The following PTPRQ variants were observed in gnomAD, a reference collection of about 807,000 sequenced individuals.
PTPRQ encodes phosphatidylinositol phosphatase PTPRQ.
PTPRQ carries 199 observed loss-of-function variants against 246.0 expected under a neutral mutation model. That is an observed-to-expected ratio of 0.81 (90% CI 0.72 to 0.91). The LOEUF (loss-of-function observed/expected upper bound fraction) is 0.91. PTPRQ is among the 40% of genes least tolerant of loss of function. The pLI is 0.00. For missense variants in PTPRQ, 2,624 were observed against 2,528.4 expected, an observed-to-expected ratio of 1.04 and a Z score of -0.81; for synonymous variants, 869 against 853.2, an observed-to-expected ratio of 1.02 and a Z score of -0.32.
chr12:80,496,623 C>T (rs1173926416), intron 14 of PTPRQ, 92 bp downstream of exon 14: 3 of 1,370,960 alleles, frequency 2.2e-6, no homozygotes, highest in Non-Finnish European at 2.9e-6. Context: ...TTTACATAAC[C>T]TAAAATCCCT....
intron 19 of PTPRQ, among the ~76,000 whole-genome samples, chr12:80,536,296 A>T (rs1350323628): frequency 2.0e-5 from 3 of 152,220 alleles, no homozygotes; most frequent in African/African-American, 7.2e-5. Context: ...TGTGACTGAC[A>T]GCCCAAGTTT....
intron 8 of PTPRQ, among the ~76,000 whole-genome samples, chr12:80,479,250 C>T (rs1225717189): frequency 8.8e-5 from 13 of 148,428 alleles, no homozygotes; most frequent in African/African-American, 1.7e-4. Context: ...GAATTTTCAA[C>T]CCAGAATTTC....
chr12:80,647,968 A>G (rs1900131256), intron 35 of PTPRQ, among the ~76,000 whole-genome samples: 1 of 152,132 alleles, frequency 6.6e-6, no homozygotes, highest in Admixed American at 6.5e-5. Flanking sequence ...TTTTTCAACA[A>G]TTCCTGTATT....
chr12:80,521,636 T>G (rs1307344490), intron 17 of PTPRQ, among the ~76,000 whole-genome samples: 1 of 151,908 alleles, frequency 6.6e-6, no homozygotes, highest in African/African-American at 2.4e-5. Flanking sequence ...TCCCCATTGC[T>G]TTTTTTTGTC....
chr12:80,540,216 T>C (rs985962920), intron 20 of PTPRQ, among the ~76,000 whole-genome samples: 1 of 152,068 alleles, frequency 6.6e-6, no homozygotes, highest in Admixed American at 6.6e-5. Context: ...CAAAAAGTAC[T>C]GCATACATGG....
intron 25 of PTPRQ, among the ~76,000 whole-genome samples, chr12:80,568,618 T>C (rs1271082160): frequency 6.6e-6 from 1 of 152,212 alleles, no homozygotes; most frequent in Non-Finnish European, 1.5e-5. Flanking sequence ...TGAAACTCCG[T>C]TTATGTTATA....
At chr12:80,674,233 G>GT (rs1901064138) in intron 43 of PTPRQ, among the ~76,000 whole-genome samples, 1 of 152,088 alleles carries the variant, frequency 6.6e-6, no homozygotes, top group Admixed American at 6.6e-5. Context: ...TGCTGTAACT[G>GT]TATTTTCCAG....
intron 42 of PTPRQ, among the ~76,000 whole-genome samples, chr12:80,672,737 A>G (rs1484554589): frequency 6.6e-6 from 1 of 152,078 alleles, no homozygotes; most frequent in Non-Finnish European, 1.5e-5. Context: ...TTGCAACACT[A>G]TTTTTCAAAA....
chr12:80,654,374 C>G (rs1169438144), intron 38 of PTPRQ, among the ~76,000 whole-genome samples: 2 of 152,146 alleles, frequency 1.3e-5, no homozygotes, highest in Non-Finnish European at 2.9e-5. Context: ...GAGAGTTAAC[C>G]TAGGTTGGAT....
intron 1 of PTPRQ, 151 bp from the exon 2 acceptor site, chr12:80,444,590 A>T: frequency 2.8e-6 from 2 of 703,318 alleles, no homozygotes; most frequent in Non-Finnish European, 4.9e-6. Context: ...ACATATTTGT[A>T]TCTTACAATA....
At chr12:80,622,554 C>T (rs1204183569) in intron 33 of PTPRQ, among the ~76,000 whole-genome samples, 4 of 151,926 alleles carry the variant, frequency 2.6e-5, no homozygotes, top group Non-Finnish European at 5.9e-5. Context: ...GTCAGTGGTC[C>T]TGAGGATGAG....
intron 33 of PTPRQ, among the ~76,000 whole-genome samples, chr12:80,622,832 G>C (rs957300767): frequency 6.6e-6 from 1 of 151,838 alleles, no homozygotes; most frequent in Non-Finnish European, 1.5e-5. Context: ...TTGAAGTTTT[G>C]TGTAAAACAA....
intron 8 of PTPRQ, among the ~76,000 whole-genome samples, chr12:80,481,180 T>A (rs1482998418): frequency 6.6e-6 from 1 of 152,174 alleles, no homozygotes. Context: ...TCCACCATGA[T>A]CAAGTGGGCT....
At chr12:80,474,146 G>T (rs1342348112) in intron 8 of PTPRQ, among the ~76,000 whole-genome samples, 1 of 152,094 alleles carries the variant, frequency 6.6e-6, no homozygotes, top group Non-Finnish European at 1.5e-5. Flanking sequence ...GAAATAAATG[G>T]ATCTTTAAAC....
chr12:80,578,505 C>G (rs1365093867), intron 25 of PTPRQ, among the ~76,000 whole-genome samples: 1 of 151,994 alleles, frequency 6.6e-6, no homozygotes, highest in Non-Finnish European at 1.5e-5. Flanking sequence ...ATTCTCCTGC[C>G]TCAGCCTCCT....
chr12:80,672,670 A>G (rs1316884942), intron 42 of PTPRQ, among the ~76,000 whole-genome samples: 7 of 152,066 alleles, frequency 4.6e-5, no homozygotes, highest in South Asian at 2.1e-4. Flanking sequence ...TAGTTTTTCA[A>G]TTTTATTATC....
chr12:80,543,471 A>T (rs1285245502), intron 23 of PTPRQ, among the ~76,000 whole-genome samples: 3 of 152,056 alleles, frequency 2.0e-5, no homozygotes, highest in Non-Finnish European at 4.4e-5. Context: ...TATGTCTGTG[A>T]TTTCTAGCAT....
At chr12:80,451,168 A>G (rs1892755631) in intron 3 of PTPRQ, among the ~76,000 whole-genome samples, 1 of 151,818 alleles carries the variant, frequency 6.6e-6, no homozygotes, top group African/African-American at 2.4e-5. Context: ...ATTTGCATAG[A>G]GGTGTTTGTA....
chr12:80,465,124 G>T (rs1286254122), intron 6 of PTPRQ: 1 of 140,844 alleles, frequency 7.1e-6, no homozygotes, highest in Non-Finnish European at 1.5e-5. Flanking sequence ...TAATAAAGAA[G>T]AAAAGAGAGA....
Sources: gnomAD v4.1 joint callset for allele counts (sites outside exome capture counted in the v4.1 genomes callset) on GRCh38, gnomAD v4.1.1 for gene constraint, MANE v1.5 for transcripts, NCBI Gene and HGNC (gene_info 2026-07-23, HGNC 2026-07-21) for gene names.